DNAH6: variants seen among roughly 807,000 people sequenced by gnomAD.
DNAH6 encodes the protein dynein axonemal heavy chain 6, also known as axonemal beta dynein heavy chain 6.
A neutral mutation model predicts 491.4 loss-of-function variants in DNAH6; 340 were observed. That is an observed-to-expected ratio of 0.69 (90% CI 0.63 to 0.76). The LOEUF is 0.76. Among genes scored for constraint, DNAH6 ranks in the 30% least tolerant of loss-of-function variants. DNAH6 has a pLI of 0.00. For missense variants in DNAH6, 4,443 were observed against 4,972.2 expected (o/e 0.89, Z 3.20); for synonymous variants, 1,603 against 1,686.1 (o/e 0.95, Z 1.21).
intron 75 of DNAH6, among the ~76,000 whole-genome samples, chr2:84,814,341 AT>A (rs202071734): frequency 6.6e-5 from 10 of 152,034 alleles, no homozygotes; most frequent in African/African-American, 2.2e-4. Context: ...TTAAAGCAAT[AT>A]TTTTTTTATT....
At chr2:84,696,568 C>T (rs1695412042) in intron 46 of DNAH6, among the ~76,000 whole-genome samples, 1 of 151,876 alleles carries the variant, frequency 6.6e-6, no homozygotes, top group Admixed American at 6.5e-5. Flanking sequence ...CAAGATAAAG[C>T]AAAAATAAAT....
At chr2:84,766,948 G>A (rs1320595312) in intron 64 of DNAH6, among the ~76,000 whole-genome samples, 2 of 152,162 alleles carry the variant, frequency 1.3e-5, no homozygotes. Context: ...GTTTGTGGAA[G>A]AGGTGAAGAT....
rs757950505 is a variant in DNAH6, at chr2:84,710,349, T to C, written c.9315T>C (p.Asp3105=). 1.0e-5 allele frequency: 16 copies of C among 1,551,766 alleles called. No homozygotes were observed. The highest frequency in any genetic ancestry group is 2.0e-5 in the Admixed American group (1 of 51,002). Residue 3105 remains aspartate, a synonymous_variant, in exon 56 of 77, where the codon GAT becomes GAC. Transcript: ENST00000389394. ...KSGLKIIKLT[D]SNFLRILENS... ...GTTTAAAGATCATTAAGCTTACAGA[T>C]AGTAATTTCTTACGAATACTCGAGA...
In DNAH6 at chr2:84,677,244, G is replaced by A. The variant is rs556916192; in HGVS notation, c.6744+108G>A. ...GTGTTTCTAAGGAGTCCATCTATCC[G>A]TCTCTTTCCTGAGCAGGAAGCAGGT... On this transcript the variant is annotated intron_variant, in intron 41 of 76. Coordinates refer to ENST00000389394, the MANE Select transcript of DNAH6 (RefSeq NM_001370.2). The A allele has an allele frequency of 3.5e-5, 49 of 1,410,768 alleles. 1 individual carries two copies. Among genetic ancestry groups the A allele is most frequent in the African/African-American group, 1.7e-4 (12 of 70,202 alleles). The allele number at this position is 1,410,768 out of a possible 1,614,324, so 87.4% of individuals were successfully genotyped here.
In DNAH6 at chr2:84,681,529, G is replaced by A. The variant is rs1347931712; in HGVS notation, c.6916+1G>A. 9 of 1,533,352 alleles carry A rather than the reference G, an allele frequency of 5.9e-6. No individual in the cohort carries two copies. Among genetic ancestry groups the A allele is most frequent in the African/African-American group, 1.4e-5 (1 of 72,226 alleles). 95.0% of individuals were successfully genotyped at this position (1,533,352 alleles called of 1,614,324 possible). A position where few individuals can be genotyped will look rare whatever the true frequency, so the allele number is the denominator to read the frequency against. On this transcript the variant is annotated splice_donor_variant, in intron 42 of 76. Transcript: ENST00000389394. LOFTEE classifies it high-confidence loss of function. ...AGGGACTTATCCAAATGTGTGCAAG[G>A]TAGTGTACTGAACCCTCGTTTTCTG...
chr2:84,751,943 T>C (rs1673512548), intron 63 of DNAH6, among the ~76,000 whole-genome samples: 1 of 152,216 alleles, frequency 6.6e-6, no homozygotes, highest in South Asian at 2.1e-4. Flanking sequence ...TGATTAAATA[T>C]ACATAAGGAG....
At chr2:84,591,504 A>G (rs1684110145) in intron 16 of DNAH6, among the ~76,000 whole-genome samples, 1 of 152,178 alleles carries the variant, frequency 6.6e-6, no homozygotes, top group South Asian at 2.1e-4. Context: ...TGATTAAAAG[A>G]CTTAATATTG....
chr2:84,576,926 C>T, intron 12 of DNAH6, among the ~76,000 whole-genome samples: 1 of 152,094 alleles, frequency 6.6e-6, no homozygotes, highest in Non-Finnish European at 1.5e-5. Context: ...TTAGATTAAT[C>T]CCAACTTGAA....
chr2:84,633,211 C>T (rs960509172), intron 29 of DNAH6, among the ~76,000 whole-genome samples: 2 of 152,168 alleles, frequency 1.3e-5, no homozygotes, highest in African/African-American at 2.4e-5. Context: ...TTTTGAATCT[C>T]GGCGACTGAA....
intron 35 of DNAH6, among the ~76,000 whole-genome samples, chr2:84,655,092 C>G (rs1281506940): frequency 1.3e-5 from 2 of 152,084 alleles, no homozygotes; most frequent in Non-Finnish European, 2.9e-5. Flanking sequence ...ACAGCTACAA[C>G]AGCCTGAGGC....
intron 61 of DNAH6, among the ~76,000 whole-genome samples, chr2:84,728,189 TC>T (rs757938231): frequency 4.6e-5 from 7 of 152,220 alleles, no homozygotes; most frequent in Non-Finnish European, 7.3e-5. Flanking sequence ...TTGTGAGGCC[TC>T]CCTAGCTGCA....
the DNAH6 span, among the ~76,000 whole-genome samples, chr2:84,485,452 C>T: frequency 6.6e-6 from 1 of 152,158 alleles, no homozygotes; most frequent in South Asian, 2.1e-4. Flanking sequence ...AATGAAAGAC[C>T]TTATGGGGAC....
intron 37 of DNAH6, among the ~76,000 whole-genome samples, chr2:84,664,658 AACACCCC>A (rs1183306552): frequency 2.0e-5 from 3 of 152,194 alleles, no homozygotes; most frequent in Non-Finnish European, 4.4e-5. Flanking sequence ...GGGAGATTTT[AACACCCC>A]ACTGTCAACA....
At chr2:84,805,540 TA>T in intron 70 of DNAH6, 124 bp from the exon 71 acceptor site, 1 of 866,896 alleles carries the variant, frequency 1.2e-6, no homozygotes, top group Non-Finnish European at 1.7e-6. Context: ...CACAATAAAA[TA>T]AAGTGAAAAT....
In DNAH6 at chr2:84,611,827, A is replaced by G; in HGVS notation, c.3448A>G (p.Asn1150Asp). 2 of 1,550,976 alleles carry G rather than the reference A, an allele frequency of 1.3e-6. No homozygotes were observed. Among genetic ancestry groups the G allele is most frequent in the South Asian group, 1.2e-5 (1 of 84,002 alleles). ...EIMRKVNRLP[N>D]ALRAATQPGL... ...CATGAGAAAGGTGAATCGGCTGCCT[A>G]ATGCTCTTCGAGCCGCTACTCAGCC... The change falls in exon 22 of 77, where the codon AAT becomes GAT. Residue 1150 changes from asparagine to aspartate, a missense_variant. Asn to Asp is a conservative substitution (Grantham distance 23). Transcript: ENST00000389394.
chr2:84,748,570 T>C (rs1448379934), intron 63 of DNAH6, among the ~76,000 whole-genome samples: 1 of 152,208 alleles, frequency 6.6e-6, no homozygotes, highest in Non-Finnish European at 1.5e-5. Flanking sequence ...TTTATCAGCC[T>C]GGCTTTCACT....
chr2:84,520,224 T>C (rs1447081788), intron 2 of DNAH6, among the ~76,000 whole-genome samples: 1 of 152,126 alleles, frequency 6.6e-6, no homozygotes, highest in Non-Finnish European at 1.5e-5. Context: ...ATATTTAACA[T>C]ACAATTTTAC....
At chr2:84,575,878 C>T (rs1473911004) in intron 12 of DNAH6, among the ~76,000 whole-genome samples, 1 of 151,700 alleles carries the variant, frequency 6.6e-6, no homozygotes. Context: ...TGCAAGACTC[C>T]GTCTCAAAAA....
At chr2:84,623,087 A>C (rs576753796) in intron 26 of DNAH6, among the ~76,000 whole-genome samples, 46 of 152,306 alleles carry the variant, frequency 3.0e-4, no homozygotes, top group African/African-American at 1.1e-3. Context: ...CATACACAAA[A>C]ATCAACTCAA....
Sources: gnomAD v4.1 joint callset for allele counts (sites outside exome capture counted in the v4.1 genomes callset) on GRCh38, gnomAD v4.1.1 for gene constraint, MANE v1.5 for transcripts, NCBI Gene and HGNC (gene_info 2026-07-23, HGNC 2026-07-21) for gene names.